ADGRG2: variants seen among roughly 807,000 people sequenced by gnomAD.
The protein encoded by ADGRG2 is adhesion G protein-coupled receptor G2.
ADGRG2 carries 26 observed loss-of-function variants against 74.1 expected under a neutral mutation model. The ratio of observed to expected loss-of-function variants is 0.35; its 90% CI spans 0.26 to 0.49. The LOEUF (loss-of-function observed/expected upper bound fraction) is 0.49. Ranked by LOEUF, ADGRG2 falls within the 20% of genes least tolerant of loss-of-function variation. ADGRG2 has a pLI of 0.99. For missense variants in ADGRG2, 619 were observed against 763.1 expected (o/e 0.81, Z 2.22); for synonymous variants, 296 against 295.2 (o/e 1.00, Z -0.03).
chrX:19,036,634 C>A (rs1191252313), intron 6 of ADGRG2, among the ~76,000 whole-genome samples: 1 of 109,838 alleles, frequency 9.1e-6, no homozygotes, highest in African/African-American at 3.3e-5. Flanking sequence ...CACACACACA[C>A]ACACACACAC....
chrX:19,021,505 G>A (rs1281595271), intron 13 of ADGRG2: 2 of 307,493 alleles, frequency 6.5e-6, no homozygotes, highest in African/African-American at 5.4e-5. Context: ...GTGAAACTTG[G>A]TTGCAGAGAC....
chrX:19,103,035 T>C (rs887216129), intron 1 of ADGRG2, among the ~76,000 whole-genome samples: 7 of 110,863 alleles, frequency 6.3e-5, no homozygotes, highest in Non-Finnish European at 7.5e-5. Context: ...CTGAGACCTG[T>C]TGGGCTGCAT....
At chrX:19,007,398 G>A (rs373321172) in intron 19 of ADGRG2, 41 bp from the exon 20 acceptor site, 26 of 1,155,402 alleles carry the variant, frequency 2.3e-5, no homozygotes, top group Non-Finnish European at 3.0e-5. Flanking sequence ...GATATTGTCA[G>A]AGTTTTAGAG....
At chrX:19,117,674 A>G (rs2062545921) in intron 1 of ADGRG2, among the ~76,000 whole-genome samples, 1 of 110,184 alleles carries the variant, frequency 9.1e-6, no homozygotes, top group Admixed American at 9.8e-5. Flanking sequence ...AAAATTAGCC[A>G]GGTGTGGTGG....
At chrX:19,078,976 A>G (rs1344035548) in intron 2 of ADGRG2, among the ~76,000 whole-genome samples, 7 of 111,503 alleles carry the variant, frequency 6.3e-5, no homozygotes, top group Non-Finnish European at 1.1e-4. Context: ...AATGCTATAA[A>G]CATAATAAAT....
intron 11 of ADGRG2, among the ~76,000 whole-genome samples, chrX:19,026,527 C>G (rs1392704144): frequency 9.4e-5 from 10 of 106,696 alleles, no homozygotes; most frequent in African/African-American, 3.1e-4. Flanking sequence ...CAGAGTTTCG[C>G]TCTTGTCACC....
chrX:19,098,288 T>C (rs1005778004), intron 1 of ADGRG2, among the ~76,000 whole-genome samples: 9 of 112,017 alleles, frequency 8.0e-5, no homozygotes, highest in African/African-American at 2.9e-4. Flanking sequence ...ATCAAAATAA[T>C]ACTTAGAGAA....
At chrX:19,110,085 G>A (rs752508431) in intron 1 of ADGRG2, among the ~76,000 whole-genome samples, 2 of 111,652 alleles carry the variant, frequency 1.8e-5, no homozygotes, top group Non-Finnish European at 3.8e-5. Flanking sequence ...AGGATTAAAT[G>A]TATCATTTAT....
At chrX:19,002,701 C>T (rs745911064) in intron 24 of ADGRG2, 145 bp downstream of exon 24, 121 of 531,156 alleles carry the variant, frequency 2.3e-4, no homozygotes, top group Non-Finnish European at 3.6e-4. Flanking sequence ...AGTTGCTCTT[C>T]GGGCAGTGCA....
chrX:19,019,550 T>G (rs1489523849), intron 15 of ADGRG2, 49 bp downstream of exon 15: 1 of 271,208 alleles, frequency 3.7e-6, no homozygotes. Flanking sequence ...GCATGGTGAT[T>G]TTTTTTTTTT....
rs141802321 is a variant in ADGRG2, at chrX:19,005,498, A to G, written c.1839+504T>C. 5.7e-3 allele frequency among the ~76,000 whole-genome samples: 629 copies of G among 110,927 alleles called. 4 individuals are homozygous for G. Among genetic ancestry groups the G allele is most frequent in the African/African-American group, 0.02 (599 of 30,587 alleles). The stretch of plus-strand genomic sequence containing the variant: ...GAATGTGAAAAAATACTTGTCTTTC[A>G]TGTTCAGGTATTTTCCTTCAGGTGC... On this transcript the variant is annotated intron_variant, in intron 22 of 28. Transcript: ENST00000379869.
At chrX:19,026,571 C>T (rs773416394) in intron 11 of ADGRG2, among the ~76,000 whole-genome samples, 1 of 109,166 alleles carries the variant, frequency 9.2e-6, no homozygotes, top group South Asian at 4.1e-4. Context: ...TCTTGGCTCA[C>T]TGCAACTTCT....
chrX:19,051,521 C>T (rs1202284211), intron 3 of ADGRG2, among the ~76,000 whole-genome samples: 1 of 111,911 alleles, frequency 8.9e-6, no homozygotes, highest in Non-Finnish European at 1.9e-5. Context: ...TCTTCCAGAA[C>T]TTTGCCACTC....
Position 19,068,630 on chromosome X carries a change from C to T in ADGRG2, c.118+87G>A, listed in dbSNP as rs1383202369. 13 of 452,848 alleles carry T rather than the reference C, an allele frequency of 2.9e-5. No individual in the cohort carries two copies. In the Admixed American group the frequency reaches 4.1e-4, roughly 14 times the overall value. 37.3% of individuals were successfully genotyped at this position (452,848 alleles called of 1,213,427 possible). On this transcript the variant is annotated intron_variant, in intron 3 of 28. Coordinates refer to ENST00000379869, the MANE Select transcript of ADGRG2 (RefSeq NM_001079858.3). Reference sequence around the variant, plus strand: ...AAATGATAAATATTATGTTATTTTACCACAGTAAAAAAATCCTAAATAACA... The same window carrying T: ...AAATGATAAATATTATGTTATTTTATCACAGTAAAAAAATCCTAAATAACA...
chrX:19,023,886 G>T, intron 12 of ADGRG2, 23 bp downstream of exon 12: 1 of 1,095,183 alleles, frequency 9.1e-7, no homozygotes, highest in Non-Finnish European at 1.3e-6. Context: ...TTATAAACAA[G>T]CTACAGGGTG....
chrX:19,068,717 C>A lies in ADGRG2; in HGVS notation c.118G>T (p.Glu40Ter). ...LHVVLVTSLEEDTDNSSLSPP... is the reference protein window; with the variant it reads ...LHVVLVTSLE ...AAATGAAGAAAAACAGACACATTAC[C>A]TTCCAGGGATGTTACCAGAACGACA... The change falls in exon 3 of 29, where the codon GAA (glutamate) becomes TAA (stop). Residue 40 changes from glutamate (E) to a stop codon, truncating the protein, a stop_gained and splice_region_variant. Coordinates refer to ENST00000379869, the MANE Select transcript of ADGRG2 (RefSeq NM_001079858.3). LOFTEE classifies it high-confidence loss of function. 2.2e-6 allele frequency: 2 copies of A among 905,241 alleles called. No homozygotes were observed. Among genetic ancestry groups the A allele is most frequent in the Non-Finnish European group, 1.6e-6 (1 of 641,243 alleles). The allele number at this position is 905,241 out of a possible 1,213,427, so 74.6% of individuals were successfully genotyped here.
At chrX:19,010,084 C>T (rs1049943556) in intron 17 of ADGRG2, among the ~76,000 whole-genome samples, 4 of 109,385 alleles carry the variant, frequency 3.7e-5, no homozygotes, top group African/African-American at 1.3e-4. Context: ...GTTGGGATTA[C>T]AGGCGTGAGC....
chrX:19,015,020 T>A (rs2060439777), intron 15 of ADGRG2, among the ~76,000 whole-genome samples: 1 of 111,684 alleles, frequency 9.0e-6, no homozygotes, highest in South Asian at 3.8e-4. Context: ...ATGGGGCATA[T>A]GTATTTTCTA....
At chrX:19,077,334 TAAAAAAAAAA>T (rs34976230) in intron 2 of ADGRG2, among the ~76,000 whole-genome samples, 1 of 38,613 alleles carries the variant, frequency 2.6e-5, no homozygotes, top group African/African-American at 1.3e-4. Flanking sequence ...CTGTCTCTAC[TAAAAAAAAAA>T]AAAAAAAAAA....
Sources: gnomAD v4.1 joint callset for allele counts (sites outside exome capture counted in the v4.1 genomes callset) on GRCh38, gnomAD v4.1.1 for gene constraint, MANE v1.5 for transcripts, NCBI Gene and HGNC (gene_info 2026-07-23, HGNC 2026-07-21) for gene names.